The following ZNF417 variants were observed in gnomAD, a reference collection of about 807,000 sequenced individuals.
The protein encoded by ZNF417 is zinc finger protein 417.
In ZNF417, 5 loss-of-function variants were observed where a neutral mutation model predicts 7.4. The ratio of observed to expected loss-of-function variants is 0.68; its 90% CI spans 0.35 to 1.43. ZNF417 has a LOEUF of 1.43. ZNF417 is among the 40% of genes most tolerant of loss of function. The pLI is 0.04. For synonymous variants in ZNF417, 147 were observed against 239.1 expected (o/e 0.61, Z 3.55); for missense variants, 437 against 697.3 (o/e 0.63, Z 4.20).
intron 1 of ZNF417, 28 bp downstream of exon 1, chr19:57,916,351 C>G: frequency 1.2e-6 from 2 of 1,614,172 alleles, no homozygotes; most frequent in Non-Finnish European, 1.7e-6. Context: ...ATGGGGTGAC[C>G]TGAGGGCACA....
At chr19:57,911,252 G>A (rs1377570475) in intron 2 of ZNF417, among the ~76,000 whole-genome samples, 2 of 152,216 alleles carry the variant, frequency 1.3e-5, no homozygotes, top group Admixed American at 1.3e-4. Context: ...CAGTAGAAGT[G>A]AAAAGGTACA....
chr19:57,915,427 G>A (rs545694207), intron 1 of ZNF417: 3 of 410,840 alleles, frequency 7.3e-6, no homozygotes, highest in African/African-American at 4.3e-5. Flanking sequence ...TCCCGGCTCC[G>A]TCCATCTCCA....
At chr19:57,915,451 G>T in intron 1 of ZNF417, 1 of 460,098 alleles carries the variant, frequency 2.2e-6, no homozygotes, top group Non-Finnish European at 4.1e-6. Flanking sequence ...CATTGCCTGC[G>T]CCCCTCCCTG....
rs2092231029 is a variant in ZNF417 at position 57,916,515 on chromosome 19, A to T, written c.-104T>A. On this transcript the variant is annotated 5_prime_UTR_variant, in exon 1 of 3. Coordinates refer to ENST00000312026, the MANE Select transcript of ZNF417 (RefSeq NM_152475.3). ...CGATTCCTCTCCACCTTCTAGGTTCAGTCACCGCGGTCCCCCCCCAGCACT... is the reference window on the plus strand; with the variant it reads ...CGATTCCTCTCCACCTTCTAGGTTCTGTCACCGCGGTCCCCCCCCAGCACT... 6.3e-7 allele frequency: 1 copy of T among 1,591,764 alleles called. No individual in the cohort carries two copies.
intron 1 of ZNF417, among the ~76,000 whole-genome samples, chr19:57,914,094 TGTCAGCTGATGCAGC>T (rs1004505010): frequency 3.4e-4 from 52 of 152,282 alleles, no homozygotes; most frequent in Non-Finnish European, 5.7e-4. Flanking sequence ...ACCAACTTCA[TGTCAGCTGATGCAGC>T]GTCCATGGTT....
chr19:57,914,483 C>CAAAAAAAAA (rs528220711), intron 1 of ZNF417, among the ~76,000 whole-genome samples: 5 of 57,612 alleles, frequency 8.7e-5, no homozygotes, highest in Non-Finnish European at 1.8e-4. Context: ...CGAAACTCCA[C>CAAAAAAAAA]AAAAAAAAAA....
intron 2 of ZNF417, among the ~76,000 whole-genome samples, chr19:57,910,470 C>T (rs150154933): frequency 0.011 from 1,640 of 151,882 alleles, 43 homozygotes; most frequent in Admixed American, 0.049. Context: ...CATTTGAACC[C>T]GGGAGGTGGA....
intron 2 of ZNF417, among the ~76,000 whole-genome samples, chr19:57,911,518 C>T (rs541163258): frequency 5.3e-5 from 8 of 152,182 alleles, no homozygotes; most frequent in African/African-American, 1.9e-4. Flanking sequence ...TACATAGGAC[C>T]CGACGATGTA....
rs940307662 is a variant in ZNF417, at chr19:57,907,073, T to C, written c.*1477A>G. On this transcript the variant is annotated 3_prime_UTR_variant, in exon 3 of 3. Transcript: ENST00000312026. Reference sequence around the variant, plus strand: ...TTCACCATATTGTCCAGGGTGGTCTTGAACTCCTGACCTTGTAAGCCACCC... The same window carrying C: ...TTCACCATATTGTCCAGGGTGGTCTCGAACTCCTGACCTTGTAAGCCACCC... 1 of 151,796 alleles carries C rather than the reference T, an allele frequency of 6.6e-6. No homozygotes were observed. The highest frequency in any genetic ancestry group is 6.6e-5 in the Admixed American group (1 of 15,236). 9.4% of individuals were successfully genotyped at this position (151,796 alleles called of 1,614,324 possible). A position where few individuals can be genotyped will look rare whatever the true frequency, so the allele number is the denominator to read the frequency against.
chr19:57,911,468 C>T (rs1270982283), intron 2 of ZNF417, among the ~76,000 whole-genome samples: 16 of 152,218 alleles, frequency 1.1e-4, no homozygotes, highest in Admixed American at 1.0e-3. Flanking sequence ...AATTGAACCA[C>T]ATCTTGTCAA....
intron 2 of ZNF417, 150 bp downstream of exon 2, chr19:57,911,910 A>G: frequency 7.4e-7 from 1 of 1,355,104 alleles, no homozygotes; most frequent in Non-Finnish European, 9.7e-7. Flanking sequence ...GTGCTTAAGG[A>G]AAGGAAAAGG....
intron 1 of ZNF417, chr19:57,915,267 A>T (rs1262982132): frequency 1.2e-5 from 2 of 173,198 alleles, no homozygotes; most frequent in African/African-American, 4.8e-5. Context: ...CCTTTGGGAA[A>T]CCTTAAAAGC....
chr19:57,914,707 T>G (rs2071931960), intron 1 of ZNF417, among the ~76,000 whole-genome samples: 1 of 152,188 alleles, frequency 6.6e-6, no homozygotes, highest in Non-Finnish European at 1.5e-5. Flanking sequence ...CCAGTAGAAC[T>G]GTGGTAATAT....
chr19:57,912,021 C>T lies in ZNF417; in HGVS notation c.163+39G>A. 3 of 1,540,554 alleles carry T rather than the reference C, an allele frequency of 1.9e-6. No homozygotes were observed. In the South Asian group the frequency reaches 3.8e-5, roughly 20 times the overall value. On this transcript the variant is annotated intron_variant, in intron 2 of 2. Transcript: ENST00000312026. The stretch of plus-strand genomic sequence containing the variant: ...TCAATGAAAAACAGGGGAACAGTAA[C>T]ACTAGCTCAGGTCACAAAGGTGAGC...
intron 1 of ZNF417, among the ~76,000 whole-genome samples, chr19:57,912,898 C>T (rs947196236): frequency 1.3e-4 from 20 of 151,940 alleles, no homozygotes; most frequent in African/African-American, 4.6e-4. Context: ...AGGGGTGGGT[C>T]ACTGCACCCA....
chr19:57,914,306 T>C lies in ZNF417; in HGVS notation c.33+2073A>G, dbSNP rs1428776966. Among the ~76,000 whole-genome samples the C allele has an allele frequency of 1.3e-5, 2 of 151,596 alleles. 1 individual carries two copies. Among genetic ancestry groups the C allele is most frequent in the Middle Eastern group, 6.8e-3 (2 of 294 alleles). On this transcript the variant is annotated intron_variant, in intron 1 of 2. Coordinates refer to ENST00000312026, the MANE Select transcript of ZNF417 (RefSeq NM_152475.3). ...TTCGAGACCAGTCTGGCCAATATGA[T>C]GAAACCCCGTTTCTACTAAAAATAC... is the stretch of plus-strand genomic sequence containing the variant.
At chr19:57,914,233 C>G (rs1475099552) in intron 1 of ZNF417, among the ~76,000 whole-genome samples, 3 of 152,006 alleles carry the variant, frequency 2.0e-5, no homozygotes, top group East Asian at 1.9e-4. Context: ...TGTCTGTAAT[C>G]CCAGCACTTT....
chr19:57,909,758 C>T lies in ZNF417; in HGVS notation c.520G>A (p.Glu174Lys), dbSNP rs564388127. The T allele has an allele frequency of 1.9e-5, 29 of 1,502,358 alleles. 3 individuals are homozygous for T. Among genetic ancestry groups the T allele is most frequent in the African/African-American group, 1.6e-4 (10 of 60,808 alleles). The allele number at this position is 1,502,358 out of a possible 1,614,324, so 93.1% of individuals were successfully genotyped here. ...CTGGGCAGAACGTCCTTCCCAAACT[C>T]GCGGAAGACAAATGGCTCCTGTGAC... ...RVSQEPFVFR[E>K]FGKDVLPSSG... Residue 174 changes from glutamate to lysine, a missense_variant, in exon 3 of 3, where the codon GAG becomes AAG. Coordinates refer to ENST00000312026, the MANE Select transcript of ZNF417 (RefSeq NM_152475.3).
chr19:57,910,388 A>G lies in ZNF417; in HGVS notation c.164-274T>C, dbSNP rs531813621. On this transcript the variant is annotated intron_variant, in intron 2 of 2. Coordinates refer to ENST00000312026, the MANE Select transcript of ZNF417 (RefSeq NM_152475.3). ...TGGTGAAAACCCATCTCTACTAAAAATACAAAAATTAGCTGGATGTGGTGG... is the reference window on the plus strand; with the variant it reads ...TGGTGAAAACCCATCTCTACTAAAAGTACAAAAATTAGCTGGATGTGGTGG... Among the ~76,000 whole-genome samples the G allele has an allele frequency of 9.5e-4, 144 of 152,106 alleles. 1 individual carries two copies. The highest frequency in any genetic ancestry group is 3.3e-3 in the African/African-American group (137 of 41,500).
Sources: gnomAD v4.1 joint callset for allele counts (sites outside exome capture counted in the v4.1 genomes callset) on GRCh38, gnomAD v4.1.1 for gene constraint, MANE v1.5 for transcripts, NCBI Gene and HGNC (gene_info 2026-07-23, HGNC 2026-07-21) for gene names.